MPPED2: variants seen among roughly 807,000 people sequenced by gnomAD.
MPPED2 encodes metallophosphoesterase domain containing 2.
MPPED2 carries 5 observed loss-of-function variants against 33.0 expected under a neutral mutation model. That is an observed-to-expected ratio of 0.15 (90% CI 0.08 to 0.32). The LOEUF (loss-of-function observed/expected upper bound fraction) is 0.32. Among genes scored for constraint, MPPED2 ranks in the 10% least tolerant of loss-of-function variants. The pLI, the probability that MPPED2 is intolerant of heterozygous loss-of-function variation, is 1.00. For missense variants in MPPED2, 275 were observed against 372.1 expected (o/e 0.74, Z 2.15); for synonymous variants, 136 against 141.9 (o/e 0.96, Z 0.29).
Position 30,536,002 on chromosome 11 carries a change from T to C in MPPED2, c.302A>G (p.Asp101Gly), listed in dbSNP as rs1260678010. Residue 101 changes from aspartate (D) to glycine (G), a missense_variant, in exon 3 of 7, where the codon GAC becomes GGC. Coordinates refer to ENST00000358117, the MANE Select transcript of MPPED2 (RefSeq NM_001584.3). ...GLPSEVKKFNDWLGNLPYEYK... is the reference protein window; with the variant it reads ...GLPSEVKKFNGWLGNLPYEYK... Reference sequence around the variant, plus strand: ...ACGCAATCATTCCTTACCTAACCAGTCATTAAACTTCTTAACCTCTGAGGG... The same window carrying C: ...ACGCAATCATTCCTTACCTAACCAGCCATTAAACTTCTTAACCTCTGAGGG... 4 of 1,603,438 alleles carry C rather than the reference T, an allele frequency of 2.5e-6. No homozygotes were observed. In the South Asian group the frequency reaches 4.5e-5, roughly 18 times the overall value.
At chr11:30,567,956 A>G (rs1384037177) in intron 2 of MPPED2, among the ~76,000 whole-genome samples, 2 of 152,194 alleles carry the variant, frequency 1.3e-5, no homozygotes, top group Middle Eastern at 3.2e-3. Flanking sequence ...CTTCTTCACA[A>G]GAATAAAACA....
At chr11:30,557,477 T>G (rs1012305727) in intron 2 of MPPED2, among the ~76,000 whole-genome samples, 16 of 152,182 alleles carry the variant, frequency 1.1e-4, no homozygotes, top group African/African-American at 3.9e-4. Context: ...TAGCTCTCAC[T>G]ATTGTATAAT....
intron 4 of MPPED2, among the ~76,000 whole-genome samples, chr11:30,454,849 T>C (rs1415244034): frequency 6.6e-6 from 1 of 152,256 alleles, no homozygotes; most frequent in Admixed American, 6.5e-5. Context: ...CTCTTCATTT[T>C]TTATTCTGTG....
chr11:30,404,873 C>G (rs1947966266), intron 6 of MPPED2, among the ~76,000 whole-genome samples: 1 of 152,148 alleles, frequency 6.6e-6, no homozygotes, highest in Non-Finnish European at 1.5e-5. Context: ...GCATACCTAG[C>G]TGTTATTTGC....
At chr11:30,502,244 C>A (rs1473015146) in intron 3 of MPPED2, among the ~76,000 whole-genome samples, 8 of 152,172 alleles carry the variant, frequency 5.3e-5, no homozygotes, top group Admixed American at 5.2e-4. Flanking sequence ...ACATATGTGA[C>A]AACTTGATAA....
intron 3 of MPPED2, among the ~76,000 whole-genome samples, chr11:30,502,696 A>G (rs1323411823): frequency 6.6e-6 from 1 of 152,168 alleles, no homozygotes; most frequent in African/African-American, 2.4e-5. Flanking sequence ...TAGGGAGGTA[A>G]AGAAACAATG....
At chr11:30,446,852 G>GTT (rs1949833484) in intron 4 of MPPED2, among the ~76,000 whole-genome samples, 1 of 152,140 alleles carries the variant, frequency 6.6e-6, no homozygotes, top group African/African-American at 2.4e-5. Flanking sequence ...TTATGTCCAA[G>GTT]TTACCGATTT....
chr11:30,560,328 G>T (rs1241674630), intron 2 of MPPED2, among the ~76,000 whole-genome samples: 1 of 151,036 alleles, frequency 6.6e-6, no homozygotes, highest in Non-Finnish European at 1.5e-5. Flanking sequence ...AAAAAAATAT[G>T]TTAACCATTT....
At chr11:30,453,223 T>A (rs1950139514) in intron 4 of MPPED2, among the ~76,000 whole-genome samples, 2 of 152,158 alleles carry the variant, frequency 1.3e-5, no homozygotes, top group African/African-American at 4.8e-5. Context: ...AGGGATACAC[T>A]GTTATGTCAA....
intron 4 of MPPED2, chr11:30,451,702 T>G (rs1176759966): frequency 1.0e-6 from 1 of 968,370 alleles, no homozygotes; most frequent in Non-Finnish European, 1.2e-6. Flanking sequence ...TCAAAAACAT[T>G]AGAGAAACTT....
At position 30,518,227 on chromosome 11, in the gene MPPED2, C is replaced by T. The variant is rs1440525614; in HGVS notation, c.310+17767G>A. ...TCTGAGACACATACTGTCTGCTGCC[C>T]AACATGCACCCACTAACAGCAGCCA... On this transcript the variant is annotated intron_variant, in intron 3 of 6. Transcript: ENST00000358117. Among the ~76,000 whole-genome samples the T allele has an allele frequency of 4.6e-5, 7 of 152,272 alleles. No homozygotes were observed. In the East Asian group the frequency reaches 1.4e-3, roughly 29 times the overall value.
At chr11:30,529,948 C>T (rs985133211) in intron 3 of MPPED2, among the ~76,000 whole-genome samples, 9 of 152,028 alleles carry the variant, frequency 5.9e-5, no homozygotes, top group Admixed American at 3.3e-4. Flanking sequence ...AACTGAAGCT[C>T]GGAACTATTA....
At chr11:30,393,624 C>T (rs1947806478) in intron 6 of MPPED2, among the ~76,000 whole-genome samples, 1 of 152,022 alleles carries the variant, frequency 6.6e-6, no homozygotes, top group Admixed American at 6.6e-5. Flanking sequence ...ATCCTCTGTG[C>T]CTAAAACAAT....
chr11:30,480,744 T>C (rs1951448181), intron 4 of MPPED2, among the ~76,000 whole-genome samples: 1 of 152,186 alleles, frequency 6.6e-6, no homozygotes, highest in South Asian at 2.1e-4. Flanking sequence ...GTGTTCTTCC[T>C]AGAGTGTCGC....
rs1948091636 is a variant in MPPED2, at chr11:30,411,282, T to C, written c.*186A>G. On this transcript the variant is annotated 3_prime_UTR_variant, in exon 7 of 7. Transcript: ENST00000358117. Reference sequence around the variant, plus strand: ...TTACAAATTCACAATGTTCCTCTGATTTCAAATGGATGCCCCATTTAAAAT... The same window carrying C: ...TTACAAATTCACAATGTTCCTCTGACTTCAAATGGATGCCCCATTTAAAAT... 2.4e-6 allele frequency: 3 copies of C among 1,248,650 alleles called. No individual in the cohort carries two copies. 77.3% of individuals were successfully genotyped at this position (1,248,650 alleles called of 1,614,324 possible).
intron 3 of MPPED2, among the ~76,000 whole-genome samples, chr11:30,513,684 T>A (rs1953356446): frequency 6.6e-6 from 1 of 152,128 alleles, no homozygotes; most frequent in African/African-American, 2.4e-5. Flanking sequence ...TCTTCTGAGA[T>A]CATTTCTATG....
chr11:30,408,085 G>A (rs116864846), downstream of MPPED2, among the ~76,000 whole-genome samples: 180 of 152,136 alleles, frequency 1.2e-3, 4 homozygotes, highest in East Asian at 0.029. Flanking sequence ...CATCACCCCC[G>A]TTTTACATAG....
intron 3 of MPPED2, among the ~76,000 whole-genome samples, chr11:30,515,884 G>T (rs1191168727): frequency 2.0e-5 from 3 of 152,150 alleles, no homozygotes; most frequent in African/African-American, 7.2e-5. Context: ...TAGTATTGGA[G>T]ATATTCCAAA....
chr11:30,474,789 C>A (rs1951106270), intron 4 of MPPED2, among the ~76,000 whole-genome samples: 1 of 151,970 alleles, frequency 6.6e-6, no homozygotes, highest in African/African-American at 2.4e-5. Context: ...TCCCTGAGGA[C>A]TTCTAAGTTA....
Sources: gnomAD v4.1 joint callset for allele counts (sites outside exome capture counted in the v4.1 genomes callset) on GRCh38, gnomAD v4.1.1 for gene constraint, MANE v1.5 for transcripts, NCBI Gene and HGNC (gene_info 2026-07-23, HGNC 2026-07-21) for gene names.